The following GPC5 variants were observed in gnomAD, a reference collection of about 807,000 sequenced individuals.
The protein encoded by GPC5 is glypican-5.
In GPC5, 47 loss-of-function variants were observed where a neutral mutation model predicts 53.9. That is an observed-to-expected ratio of 0.87 (90% CI 0.69 to 1.11). The LOEUF (loss-of-function observed/expected upper bound fraction) is 1.11, where lower values mean the gene tolerates loss of function less well. Ranked by LOEUF, GPC5 falls within the 50% of genes most tolerant of loss-of-function variation. GPC5 has a pLI of 0.00. For synonymous variants in GPC5, 286 were observed against 263.3 expected (o/e 1.09, Z -0.84); for missense variants, 748 against 713.1 (o/e 1.05, Z -0.56).
At chr13:91,979,434 A>G (rs905767263) in intron 6 of GPC5, among the ~76,000 whole-genome samples, 1 of 152,232 alleles carries the variant, frequency 6.6e-6, no homozygotes, top group Non-Finnish European at 1.5e-5. Context: ...GTGTTATCAC[A>G]TGTATTAACT....
intron 7 of GPC5, among the ~76,000 whole-genome samples, chr13:92,281,447 T>C (rs1007311466): frequency 6.6e-6 from 1 of 152,184 alleles, no homozygotes; most frequent in African/African-American, 2.4e-5. Flanking sequence ...ACAGACTGCC[T>C]CCTCAAGTGG....
At chr13:91,404,714 GAAAGA>G (rs2138753631) in intron 1 of GPC5, among the ~76,000 whole-genome samples, 1 of 152,300 alleles carries the variant, frequency 6.6e-6, no homozygotes, top group East Asian at 1.9e-4. Context: ...TACCTTTATA[GAAAGA>G]AAAGAAGATG....
At chr13:91,682,801 G>T (rs755764423) in intron 2 of GPC5, among the ~76,000 whole-genome samples, 14 of 152,186 alleles carry the variant, frequency 9.2e-5, no homozygotes, top group Non-Finnish European at 1.3e-4. Flanking sequence ...GAGCAGACAC[G>T]ATTGCATCTA....
intron 7 of GPC5, among the ~76,000 whole-genome samples, chr13:92,672,270 G>T (rs2139207373): frequency 6.6e-6 from 1 of 152,200 alleles, no homozygotes; most frequent in African/African-American, 2.4e-5. Context: ...TCACAAGATT[G>T]CAAAATTTTC....
At chr13:92,325,552 G>A (rs1452863224) in intron 7 of GPC5, among the ~76,000 whole-genome samples, 1 of 151,998 alleles carries the variant, frequency 6.6e-6, no homozygotes, top group African/African-American at 2.4e-5. Flanking sequence ...CATATCAAGA[G>A]GAGAAACAGA....
At chr13:92,391,375 T>G (rs1874995122) in intron 7 of GPC5, among the ~76,000 whole-genome samples, 1 of 152,122 alleles carries the variant, frequency 6.6e-6, no homozygotes, top group Admixed American at 6.6e-5. Flanking sequence ...ATTATACTAT[T>G]GTGAGTAATA....
intron 2 of GPC5, among the ~76,000 whole-genome samples, chr13:91,642,536 G>A (rs2139497177): frequency 6.6e-6 from 1 of 152,256 alleles, no homozygotes; most frequent in Middle Eastern, 3.4e-3. Context: ...GATCAACATT[G>A]TCAGCCACCA....
At chr13:91,866,634 G>T (rs1226292954) in intron 5 of GPC5, among the ~76,000 whole-genome samples, 1 of 152,048 alleles carries the variant, frequency 6.6e-6, no homozygotes, top group Non-Finnish European at 1.5e-5. Flanking sequence ...TGCCATATTT[G>T]TACAGCCTGC....
intron 7 of GPC5, among the ~76,000 whole-genome samples, chr13:92,639,778 A>T (rs532921543): frequency 2.0e-5 from 3 of 152,194 alleles, no homozygotes; most frequent in Non-Finnish European, 4.4e-5. Flanking sequence ...ATTGAAAAGC[A>T]AATGGGTGCA....
chr13:91,509,299 C>CA (rs5805701), intron 2 of GPC5, among the ~76,000 whole-genome samples: 120,967 of 149,186 alleles, frequency 0.81, 50,430 homozygotes, highest in East Asian at 1. Context: ...CTGTTGCAAA[C>CA]AAAAAAAACT....
intron 7 of GPC5, among the ~76,000 whole-genome samples, chr13:92,336,937 C>T (rs980409182): frequency 3.9e-5 from 6 of 152,062 alleles, no homozygotes; most frequent in African/African-American, 1.2e-4. Context: ...GCATGTATAG[C>T]GGAATTGCCT....
chr13:92,773,169 T>A (rs1254839373), intron 7 of GPC5, among the ~76,000 whole-genome samples: 1 of 152,130 alleles, frequency 6.6e-6, no homozygotes, highest in East Asian at 1.9e-4. Flanking sequence ...GTATAATATA[T>A]TGCTTCTGAA....
chr13:91,704,483 G>T (rs768741076), intron 3 of GPC5, among the ~76,000 whole-genome samples: 6 of 152,190 alleles, frequency 3.9e-5, no homozygotes, highest in Non-Finnish European at 7.3e-5. Context: ...GGGCCCCCAG[G>T]ATCAGTATTA....
At chr13:92,499,539 G>C (rs971007443) in intron 7 of GPC5, among the ~76,000 whole-genome samples, 1 of 152,122 alleles carries the variant, frequency 6.6e-6, no homozygotes, top group Non-Finnish European at 1.5e-5. Flanking sequence ...AAGAGATTGA[G>C]AGACATGAAG....
At chr13:92,606,596 C>T (rs1369386915) in intron 7 of GPC5, among the ~76,000 whole-genome samples, 2 of 152,136 alleles carry the variant, frequency 1.3e-5, no homozygotes, top group African/African-American at 4.8e-5. Flanking sequence ...ATGAGGTTTT[C>T]TGCTGCAAAG....
intron 6 of GPC5, among the ~76,000 whole-genome samples, chr13:91,923,581 AATGT>A (rs1316761821): frequency 1.3e-5 from 2 of 151,954 alleles, no homozygotes; most frequent in Non-Finnish European, 2.9e-5. Flanking sequence ...ACACCTTATG[AATGT>A]AAGTTTTGCA....
intron 6 of GPC5, among the ~76,000 whole-genome samples, chr13:92,016,406 G>A (rs535058552): frequency 3.3e-5 from 5 of 152,240 alleles, no homozygotes; most frequent in South Asian, 2.1e-4. Flanking sequence ...TCACAGCTAC[G>A]TGACAGTAAT....
chr13:91,989,403 G>C (rs373914104), intron 6 of GPC5, among the ~76,000 whole-genome samples: 14 of 152,242 alleles, frequency 9.2e-5, no homozygotes, highest in Middle Eastern at 6.8e-3. Flanking sequence ...AGAAGAAATT[G>C]AACTGATGCT....
chr13:92,862,614 GAGATAGATAGACAGATAGAT>G (rs973303385), intron 7 of GPC5, among the ~76,000 whole-genome samples: 5 of 141,986 alleles, frequency 3.5e-5, no homozygotes, highest in East Asian at 4.3e-4. Flanking sequence ...ATATCTAGTG[GAGATAGATAGACAGATAGAT>G]AGATAGATAG....
Sources: gnomAD v4.1 joint callset for allele counts (sites outside exome capture counted in the v4.1 genomes callset) on GRCh38, gnomAD v4.1.1 for gene constraint, MANE v1.5 for transcripts, NCBI Gene and HGNC (gene_info 2026-07-23, HGNC 2026-07-21) for gene names.